SLC12A2: variants seen among roughly 807,000 people sequenced by gnomAD.
SLC12A2 encodes solute carrier family 12 member 2.
A neutral mutation model predicts 136.3 loss-of-function variants in SLC12A2; 67 were observed. That is an observed-to-expected ratio of 0.49 (90% CI 0.40 to 0.60). The LOEUF is 0.60. SLC12A2 is among the 20% of genes least tolerant of loss of function. The probability of loss-of-function intolerance (pLI) is 0.00; values close to 1 mark genes in which losing one functional copy is unlikely to be tolerated. For missense variants in SLC12A2, 1,322 were observed against 1,534.7 expected, an observed-to-expected ratio of 0.86 and a Z score of 2.32; for synonymous variants, 619 against 562.9, an observed-to-expected ratio of 1.10 and a Z score of -1.41.
At position 128,188,670 on chromosome 5, in the gene SLC12A2, A is replaced by AC. The variant is rs533367999; in HGVS notation, c.*2041dup. ...GCAGCATTTTTGCTTCATGAGTATG[A>AC]CCTAGGTATAGAGATCTGATAACTT... On this transcript the variant is annotated 3_prime_UTR_variant, in exon 27 of 27. Transcript: ENST00000262461. 7 of 151,426 alleles carry AC rather than the reference A, an allele frequency of 4.6e-5. No individual in the cohort carries two copies. Among genetic ancestry groups the AC allele is most frequent in the African/African-American group, 1.7e-4 (7 of 41,170 alleles). 9.4% of individuals were successfully genotyped at this position (151,426 alleles called of 1,614,324 possible).
intron 16 of SLC12A2, 32 bp from the exon 17 acceptor site, chr5:128,161,624 TTTAA>T: frequency 7.9e-7 from 1 of 1,270,238 alleles, no homozygotes; most frequent in Non-Finnish European, 1.0e-6. Flanking sequence ...TTGCTTACCT[TTTAA>T]TTAAATATAT....
chr5:128,124,985 G>A (rs1359701736), intron 4 of SLC12A2, among the ~76,000 whole-genome samples: 2 of 152,016 alleles, frequency 1.3e-5, no homozygotes, highest in Non-Finnish European at 2.9e-5. Flanking sequence ...AAATTCCAAG[G>A]GTTTTATAAG....
intron 8 of SLC12A2, 45 bp downstream of exon 8, chr5:128,138,769 G>A (rs559516411): frequency 1.9e-6 from 3 of 1,598,014 alleles, no homozygotes; most frequent in Non-Finnish European, 2.6e-6. Flanking sequence ...TTTAAAAGTG[G>A]AATTTGTATA....
intron 26 of SLC12A2, 35 bp from the exon 27 acceptor site, chr5:128,186,461 G>GTTTTTTTTTTTTTTTTTTTTTTTTTTT: frequency 1.5e-6 from 2 of 1,322,946 alleles, no homozygotes; most frequent in African/African-American, 1.6e-5. Flanking sequence ...ATTGCTCAGG[G>GTTTTTTTTTTTTTTTTTTTTTTTTTTT]TTTTTTTTTT....
intron 26 of SLC12A2, 58 bp from the exon 27 acceptor site, chr5:128,186,438 A>T (rs1006427329): frequency 1.3e-6 from 2 of 1,513,094 alleles, no homozygotes; most frequent in South Asian, 1.3e-5. Context: ...GCTACATTTT[A>T]TTCTGTAAAT....
intron 17 of SLC12A2, among the ~76,000 whole-genome samples, chr5:128,162,498 A>G (rs1226620183): frequency 1.3e-5 from 2 of 152,194 alleles, no homozygotes; most frequent in African/African-American, 4.8e-5. Flanking sequence ...AAAAAATTCT[A>G]AAACAATTTT....
At chr5:128,122,625 T>C (rs962443854) in intron 4 of SLC12A2, among the ~76,000 whole-genome samples, 3 of 152,150 alleles carry the variant, frequency 2.0e-5, no homozygotes, top group African/African-American at 7.2e-5. Flanking sequence ...CTTTTACTTT[T>C]CTCTGAAATA....
rs567207843 is a variant in SLC12A2 at position 128,168,073 on chromosome 5, C to CAT, written c.2723+220_2723+221dup. The CAT allele has an allele frequency of 6.7e-3, 2,483 of 368,438 alleles. 7 individuals carry two copies. The highest frequency in any genetic ancestry group is 0.014 in the South Asian group (310 of 22,472). The allele number at this position is 368,438 out of a possible 1,614,324, so 22.8% of individuals were successfully genotyped here. On this transcript the variant is annotated intron_variant, in intron 18 of 26. Coordinates refer to ENST00000262461, the MANE Select transcript of SLC12A2 (RefSeq NM_001046.3). ...CTTTATATGTCTCTTTACATACATG[C>CAT]ATATATATATATATACACACACACA...
At chr5:128,153,408 A>G (rs1285027824) in intron 15 of SLC12A2, among the ~76,000 whole-genome samples, 1 of 152,182 alleles carries the variant, frequency 6.6e-6, no homozygotes, top group Non-Finnish European at 1.5e-5. Context: ...TACAAAAATT[A>G]GCCAGGCGTA....
At chr5:128,176,818 A>C (rs1763555691) in intron 20 of SLC12A2, among the ~76,000 whole-genome samples, 1 of 152,102 alleles carries the variant, frequency 6.6e-6, no homozygotes, top group South Asian at 2.1e-4. Context: ...TATTTCAAGT[A>C]TGAAAGTGTA....
chr5:128,087,971 C>A (rs956495891), intron 1 of SLC12A2, among the ~76,000 whole-genome samples: 15 of 147,400 alleles, frequency 1.0e-4, no homozygotes, highest in Admixed American at 5.5e-4. Flanking sequence ...CCTATAAAGA[C>A]AAAGACAACT....
chr5:128,172,336 G>A (rs1473590906), intron 19 of SLC12A2, among the ~76,000 whole-genome samples: 1 of 151,612 alleles, frequency 6.6e-6, no homozygotes, highest in Non-Finnish European at 1.5e-5. Flanking sequence ...TCCAAGCCAG[G>A]AAATTGACAT....
chr5:128,094,176 A>G (rs1199224662), intron 1 of SLC12A2, among the ~76,000 whole-genome samples: 1 of 151,124 alleles, frequency 6.6e-6, no homozygotes, highest in African/African-American at 2.4e-5. Context: ...GCTAACTTCA[A>G]GCTCCATGAG....
chr5:128,086,351 C>T (rs1443195760), intron 1 of SLC12A2, among the ~76,000 whole-genome samples: 1 of 152,132 alleles, frequency 6.6e-6, no homozygotes, highest in Non-Finnish European at 1.5e-5. Context: ...ATCTAAAAAA[C>T]AACACCTGTA....
chr5:128,182,754 T>C (rs2126759741), intron 23 of SLC12A2, 101 bp from the exon 24 acceptor site: 2 of 759,000 alleles, frequency 2.6e-6, no homozygotes, highest in Non-Finnish European at 4.3e-6. Flanking sequence ...TAGCATATGA[T>C]AGACTGACTT....
chr5:128,143,086 A>T (rs1762424055), intron 10 of SLC12A2, among the ~76,000 whole-genome samples: 1 of 152,068 alleles, frequency 6.6e-6, no homozygotes, highest in African/African-American at 2.4e-5. Flanking sequence ...CATAAATATC[A>T]TCTCTCCATT....
intron 10 of SLC12A2, among the ~76,000 whole-genome samples, chr5:128,142,947 C>A (rs1437864027): frequency 6.6e-6 from 1 of 151,266 alleles, no homozygotes; most frequent in Non-Finnish European, 1.5e-5. Flanking sequence ...GTGGTGGAGT[C>A]TGAGATTTTG....
intron 4 of SLC12A2, among the ~76,000 whole-genome samples, chr5:128,118,490 A>G (rs1297292784): frequency 1.3e-5 from 2 of 152,190 alleles, no homozygotes; most frequent in Non-Finnish European, 2.9e-5. Context: ...AATCTCATGT[A>G]TTCTTTCTTA....
At chr5:128,131,446 G>T (rs758762898) in intron 5 of SLC12A2, among the ~76,000 whole-genome samples, 3 of 151,098 alleles carry the variant, frequency 2.0e-5, no homozygotes, top group Non-Finnish European at 2.9e-5. Flanking sequence ...AGCGGATCAC[G>T]AGGTCAGGAG....
Sources: gnomAD v4.1 joint callset for allele counts (sites outside exome capture counted in the v4.1 genomes callset) on GRCh38, gnomAD v4.1.1 for gene constraint, MANE v1.5 for transcripts, NCBI Gene and HGNC (gene_info 2026-07-23, HGNC 2026-07-21) for gene names.